PAPPA: variants seen among roughly 807,000 people sequenced by gnomAD.
PAPPA encodes pappalysin 1, also known as pappalysin-1.
Under a neutral mutation model 164.0 loss-of-function variants are expected in PAPPA, and 60 were observed. That is an observed-to-expected ratio of 0.37 (90% confidence interval 0.30 to 0.45). The LOEUF (loss-of-function observed/expected upper bound fraction) is 0.45, where lower values mean the gene tolerates loss of function less well. PAPPA is among the 20% of genes least tolerant of loss of function. PAPPA has a pLI of 1.00. For synonymous variants in PAPPA, 875 were observed against 814.1 expected (o/e 1.07, Z -1.27); for missense variants, 1,782 against 2,087.3 (o/e 0.85, Z 2.85).
At position 116,382,685 on chromosome 9, in the gene PAPPA, G is replaced by A. The variant is rs369698331; in HGVS notation, c.4776+192G>A. On this transcript the variant is annotated intron_variant, in intron 21 of 21. Transcript: ENST00000328252. ...TAATATCATAGGCTGGGCCCTGGTT[G>A]ATTTTTGCAGATGTGGTTCTCAAAG... Among the ~76,000 whole-genome samples, 310 of 152,286 alleles carry A rather than the reference G, an allele frequency of 2.0e-3. 12 individuals are homozygous for A. The South Asian group carries it at 0.057, about 28-fold the overall frequency.
intron 9 of PAPPA, among the ~76,000 whole-genome samples, chr9:116,280,523 G>T (rs1027324199): frequency 2.6e-5 from 4 of 152,218 alleles, no homozygotes; most frequent in Non-Finnish European, 4.4e-5. Context: ...AGTCAGCATT[G>T]CTGGACTGTA....
chr9:116,154,155 C>CGGGGGAGAGGGGGGGGG lies in PAPPA; in HGVS notation c.-13_-12insAGAGGGGGGGGGGGGGG. 2.2e-6 allele frequency: 1 copy of CGGGGGAGAGGGGGGGGG among 464,988 alleles called. No individual in the cohort carries two copies. The highest frequency in any genetic ancestry group is 2.9e-6 in the Non-Finnish European group (1 of 345,718). 28.8% of individuals were successfully genotyped at this position (464,988 alleles called of 1,614,324 possible). On this transcript the variant is annotated 5_prime_UTR_variant, in exon 1 of 22. Coordinates refer to ENST00000328252, the MANE Select transcript of PAPPA (RefSeq NM_002581.5). The surrounding 1 kb of genome is among the most constrained non-coding windows in gnomAD (Gnocchi z 5.2). ...TGGCGGTGCAGGGGCGAAGGGGGGGCGGGGGGAACCGTCGGACATGCGGCT... is the reference window on the plus strand; with the variant it reads ...TGGCGGTGCAGGGGCGAAGGGGGGGCGGGGGAGAGGGGGGGGGGGGGGGAACCGTCGGACATGCGGCT...
intron 11 of PAPPA, 30 bp downstream of exon 11, chr9:116,331,387 C>T: frequency 7.6e-7 from 1 of 1,323,374 alleles, no homozygotes; most frequent in Non-Finnish European, 1.1e-6. Flanking sequence ...GCTTTGGAAT[C>T]TCCAGCAGCG....
rs375495680 is a variant in PAPPA, at chr9:116,220,070, C to T, written c.2052C>T (p.His684=). The T allele has an allele frequency of 1.6e-5, 26 of 1,614,022 alleles. No homozygotes were observed. The Admixed American group carries it at 4.3e-4, about 27-fold the overall frequency. ...CCCTCGCCCCCCAAGTTCTGGGCCA[C>T]ACAACGGACTCTGTGACACTGGAGT... is the stretch of plus-strand genomic sequence containing the variant. ...PVALAPQVLG[H]TTDSVTLEWF... The change falls in exon 5 of 22, where the codon CAC becomes CAT. Residue 684 remains histidine (H), a synonymous_variant. Transcript: ENST00000328252.
At chr9:116,297,207 G>A (rs1236569086) in intron 9 of PAPPA, among the ~76,000 whole-genome samples, 2 of 152,152 alleles carry the variant, frequency 1.3e-5, no homozygotes, top group African/African-American at 4.8e-5. Context: ...GGCATGGTAA[G>A]ATTTGTATGT....
rs377240073 is a variant in PAPPA, at chr9:116,187,089, A to G, written c.416-65A>G. 18 of 1,186,462 alleles carry G rather than the reference A, an allele frequency of 1.5e-5. No individual in the cohort carries two copies. The African/African-American group carries it at 2.1e-4, about 14-fold the overall frequency. The allele number at this position is 1,186,462 out of a possible 1,614,324, so 73.5% of individuals were successfully genotyped here. A position where few individuals can be genotyped will look rare whatever the true frequency, so the allele number is the denominator to read the frequency against. ...CTGATACAAATTTTATTAGAGAAAA[A>G]TAACTTAACCCCCCCTCCTTTTCCA... On this transcript the variant is annotated intron_variant, in intron 1 of 21. Transcript: ENST00000328252. This position sits in a 1 kb window ranked among gnomAD's most constrained non-coding sequence, Gnocchi z 4.2.
intron 2 of PAPPA, among the ~76,000 whole-genome samples, chr9:116,205,635 T>C (rs1004465096): frequency 4.6e-5 from 7 of 152,156 alleles, no homozygotes; most frequent in African/African-American, 1.7e-4. Flanking sequence ...TGTCTCCAGT[T>C]GTGTGATCTC....
intron 10 of PAPPA, among the ~76,000 whole-genome samples, chr9:116,315,229 C>A (rs1474007998): frequency 3.3e-5 from 5 of 152,142 alleles, no homozygotes; most frequent in Non-Finnish European, 5.9e-5. Flanking sequence ...CTTCACATTA[C>A]AAAGGAGATA....
chr9:116,312,288 C>CTTTTTTTTTTTTTTTTTGTTTTTGTT (rs1845729093), intron 10 of PAPPA, among the ~76,000 whole-genome samples: 1 of 129,638 alleles, frequency 7.7e-6, no homozygotes, highest in Non-Finnish European at 1.6e-5. Context: ...TTCTTTCTTT[C>CTTTTTTTTTTTTTTTTTGTTTTTGTT]TTTTTTTTTT....
intron 1 of PAPPA, among the ~76,000 whole-genome samples, chr9:116,178,948 CA>C (rs1470498904): frequency 6.6e-6 from 1 of 152,220 alleles, no homozygotes; most frequent in East Asian, 1.9e-4. Flanking sequence ...GAGGGAATTA[CA>C]GTTTGCCATC....
intron 10 of PAPPA, among the ~76,000 whole-genome samples, chr9:116,320,665 G>T (rs561779146): frequency 6.6e-6 from 1 of 152,244 alleles, no homozygotes; most frequent in South Asian, 2.1e-4. Context: ...TGTTTCTAAT[G>T]GTTGGTAAAA....
At position 116,168,562 on chromosome 9, in the gene PAPPA, T is replaced by C. The variant is rs3789269; in HGVS notation, c.415+13975T>C. Among the ~76,000 whole-genome samples the C allele has an allele frequency of 6.4e-3, 972 of 152,332 alleles. 37 individuals are homozygous for C. The East Asian group carries it at 0.11, about 17-fold the overall frequency. On this transcript the variant is annotated intron_variant, in intron 1 of 21. Transcript: ENST00000328252. ...AAGTGATCTTTTCCACCTGGAAGGA[T>C]TGGGGACTTGTTCATGAAGTGAATG...
At chr9:116,318,820 G>T (rs552099907) in intron 10 of PAPPA, 2 of 152,238 alleles carry the variant, frequency 1.3e-5, no homozygotes, top group African/African-American at 4.8e-5. Context: ...ATTACAAACA[G>T]GTGGGCCCAG....
At chr9:116,196,493 G>A (rs761331451) in intron 2 of PAPPA, among the ~76,000 whole-genome samples, 19 of 152,230 alleles carry the variant, frequency 1.2e-4, no homozygotes, top group Non-Finnish European at 1.9e-4. Context: ...TGGTTGAACT[G>A]ACAGACAGCA....
intron 9 of PAPPA, among the ~76,000 whole-genome samples, chr9:116,281,897 C>G (rs1286526902): frequency 2.0e-5 from 3 of 152,090 alleles, no homozygotes; most frequent in African/African-American, 4.8e-5. Flanking sequence ...GGCCATTATC[C>G]CCCACTTTAC....
At chr9:116,369,414 C>T (rs2025336) in intron 19 of PAPPA, among the ~76,000 whole-genome samples, 50,029 of 152,068 alleles carry the variant, frequency 0.33, 8,423 homozygotes, top group Middle Eastern at 0.39. Context: ...TAGAGGAAGG[C>T]GGCTGGTCCA....
chr9:116,241,723 G>A lies in PAPPA; in HGVS notation c.2732+6086G>A, dbSNP rs202193834. On this transcript the variant is annotated intron_variant, in intron 7 of 21. Transcript: ENST00000328252. Reference sequence around the variant, plus strand: ...TAAGAAGATGCGTCTCTTGCTTTCAGATCTTAGTTATAACATTGATATGTA... The same window carrying A: ...TAAGAAGATGCGTCTCTTGCTTTCAAATCTTAGTTATAACATTGATATGTA... 2.0e-4 allele frequency among the ~76,000 whole-genome samples: 31 copies of A among 152,246 alleles called. No individual in the cohort carries two copies. In the East Asian group the frequency reaches 5.8e-3, roughly 28 times the overall value.
intron 9 of PAPPA, among the ~76,000 whole-genome samples, chr9:116,277,061 A>C (rs1845208434): frequency 6.6e-6 from 1 of 152,164 alleles, no homozygotes; most frequent in Non-Finnish European, 1.5e-5. Context: ...CTGGAAAGAA[A>C]AACAGCATCT....
At chr9:116,182,720 G>GA (rs1227171891) in intron 1 of PAPPA, among the ~76,000 whole-genome samples, 6 of 152,068 alleles carry the variant, frequency 3.9e-5, no homozygotes, top group Non-Finnish European at 7.4e-5. Context: ...AAGAGGCAAT[G>GA]AAAAAAATAG....
Sources: allele counts gnomAD v4.1 joint callset (sites outside exome capture counted in the v4.1 genomes callset), GRCh38; gene constraint gnomAD v4.1.1; non-coding constraint Gnocchi (gnomAD v3.1); transcripts MANE v1.5; gene names NCBI Gene and HGNC (gene_info 2026-07-23, HGNC 2026-07-21).